Variants in ZNF618 observed in about 807,000 individuals in gnomAD.
The protein encoded by ZNF618 is neural precursor cell expressed, developmentally down-regulated 10.
Under a neutral mutation model 103.0 loss-of-function variants are expected in ZNF618, and 34 were observed. That is an observed-to-expected ratio of 0.33 (90% CI 0.25 to 0.44). ZNF618 has a LOEUF of 0.44. Among genes scored for constraint, ZNF618 ranks in the 20% least tolerant of loss-of-function variants. ZNF618 has a pLI of 1.00. For missense variants in ZNF618, 1,059 were observed against 1,295.4 expected (o/e 0.82, Z 2.80); for synonymous variants, 551 against 542.2 (o/e 1.02, Z -0.23).
At position 113,943,027 on chromosome 9, in the gene ZNF618, G is replaced by T. The variant is rs547622529; in HGVS notation, c.34-26090G>T. On this transcript the variant is annotated intron_variant, in intron 1 of 14. Coordinates refer to ENST00000374126, the MANE Select transcript of ZNF618 (RefSeq NM_001318042.2). The stretch of plus-strand genomic sequence containing the variant: ...TTCATCAAGTTGAGGATTGTCCCAG[G>T]TGCATCTGGAAACATCACCAGGAAG... 2.1e-3 allele frequency among the ~76,000 whole-genome samples: 321 copies of T among 152,290 alleles called. 2 individuals carry two copies. Among genetic ancestry groups the T allele is most frequent in the Middle Eastern group, 3.4e-3 (1 of 294 alleles).
Position 114,002,639 on chromosome 9 carries a change from CAG to C in ZNF618, c.528_529del (p.Glu178GlyfsTer13). 1 of 1,611,488 alleles carries C rather than the reference CAG, an allele frequency of 6.2e-7. No individual in the cohort carries two copies. Among genetic ancestry groups the C allele is most frequent in the Non-Finnish European group, 8.5e-7 (1 of 1,179,728 alleles). On this transcript the variant is annotated frameshift_variant, in exon 6 of 15. Transcript: ENST00000374126. LOFTEE classifies it high-confidence loss of function. ...CTCTTTGCAGACACCGAAGCCACCT[CAG>C]GGGAGGGAGCCTCCCAAAGCAGTGA...
intron 9 of ZNF618, among the ~76,000 whole-genome samples, chr9:114,012,727 G>A (rs1047358274): frequency 6.6e-6 from 1 of 152,036 alleles, no homozygotes; most frequent in African/African-American, 2.4e-5. Context: ...AATTAGTGAT[G>A]TGAAGGATGA....
At chr9:113,934,043 GAA>G (rs1833835233) in intron 1 of ZNF618, among the ~76,000 whole-genome samples, 1 of 152,082 alleles carries the variant, frequency 6.6e-6, no homozygotes, top group African/African-American at 2.4e-5. Context: ...ACAGGGGAGA[GAA>G]AGGGGACTGA....
At chr9:113,990,553 G>C (rs939536256) in intron 3 of ZNF618, among the ~76,000 whole-genome samples, 4 of 152,168 alleles carry the variant, frequency 2.6e-5, no homozygotes, top group Non-Finnish European at 4.4e-5. Context: ...GTCCATTGTG[G>C]GTCAAGAGGG....
rs139706215 is a variant in ZNF618, at chr9:114,020,950, G to C, written c.844+4166G>C. Reference sequence around the variant, plus strand: ...TTTTTATAGATGCCCATTATCAGTTGAATAAGTTACCTCTTATTTATAGTT... The same window carrying C: ...TTTTTATAGATGCCCATTATCAGTTCAATAAGTTACCTCTTATTTATAGTT... On this transcript the variant is annotated intron_variant, in intron 10 of 14. Transcript: ENST00000374126. 8.1e-4 allele frequency among the ~76,000 whole-genome samples: 122 copies of C among 151,548 alleles called. 1 individual carries two copies. The highest frequency in any genetic ancestry group is 2.8e-3 in the African/African-American group (117 of 41,464).
intron 1 of ZNF618, among the ~76,000 whole-genome samples, chr9:113,922,079 T>C (rs887396855): frequency 6.6e-6 from 1 of 152,234 alleles, no homozygotes; most frequent in African/African-American, 2.4e-5. Context: ...AAAACACATA[T>C]GACATGTACA....
intron 1 of ZNF618, among the ~76,000 whole-genome samples, chr9:113,880,891 A>G (rs189431026): frequency 6.6e-6 from 1 of 152,272 alleles, no homozygotes; most frequent in East Asian, 1.9e-4. Flanking sequence ...TTATTTTTGC[A>G]TTTATTATCT....
chr9:113,945,380 A>G (rs1204471297), intron 1 of ZNF618, among the ~76,000 whole-genome samples: 1 of 152,184 alleles, frequency 6.6e-6, no homozygotes, highest in Admixed American at 6.5e-5. Flanking sequence ...CCTTCTCCGC[A>G]TGTACACAAT....
chr9:113,882,447 G>A (rs972619889), intron 1 of ZNF618, among the ~76,000 whole-genome samples: 3 of 152,202 alleles, frequency 2.0e-5, no homozygotes, highest in Non-Finnish European at 4.4e-5. Context: ...GTAGGTGGTC[G>A]ACGCATGTGA....
intron 1 of ZNF618, among the ~76,000 whole-genome samples, chr9:113,883,738 C>T (rs1195901224): frequency 1.3e-5 from 2 of 152,232 alleles, no homozygotes; most frequent in East Asian, 1.9e-4. Flanking sequence ...AGGTAGACAT[C>T]GATCCTCAGT....
intron 14 of ZNF618, 131 bp from the exon 15 acceptor site, chr9:114,048,520 C>A (rs1564347698): frequency 2.1e-6 from 2 of 950,188 alleles, no homozygotes. Flanking sequence ...CAGCCAGCAC[C>A]ACCCATGTGT....
intron 3 of ZNF618, among the ~76,000 whole-genome samples, chr9:113,988,893 C>A (rs985405408): frequency 6.6e-6 from 1 of 152,210 alleles, no homozygotes; most frequent in African/African-American, 2.4e-5. Flanking sequence ...CTCCCATACC[C>A]CTGGGGGGTC....
intron 6 of ZNF618, among the ~76,000 whole-genome samples, chr9:114,004,203 A>C (rs1046140243): frequency 1.3e-5 from 2 of 152,076 alleles, no homozygotes; most frequent in Non-Finnish European, 2.9e-5. Context: ...CTCCGTTTGG[A>C]TTCTTATGCC....
At chr9:113,973,630 A>G (rs970148894) in intron 2 of ZNF618, among the ~76,000 whole-genome samples, 6 of 152,358 alleles carry the variant, frequency 3.9e-5, no homozygotes, top group African/African-American at 1.4e-4. Flanking sequence ...ATCATGTAGC[A>G]TAACTCCAGC....
intron 10 of ZNF618, among the ~76,000 whole-genome samples, chr9:114,023,222 T>C (rs1384975059): frequency 6.6e-6 from 1 of 152,054 alleles, no homozygotes. Flanking sequence ...TTTTCGTGCC[T>C]TCTTTAGTAT....
intron 1 of ZNF618, among the ~76,000 whole-genome samples, chr9:113,897,569 C>G (rs1830136924): frequency 6.6e-6 from 1 of 152,058 alleles, no homozygotes; most frequent in Non-Finnish European, 1.5e-5. Context: ...TCCATATGTC[C>G]CATTGGTCTC....
chr9:113,959,999 A>C (rs190402293), intron 1 of ZNF618, among the ~76,000 whole-genome samples: 2 of 152,374 alleles, frequency 1.3e-5, no homozygotes, highest in Admixed American at 1.3e-4. Flanking sequence ...AGGTCTGTGC[A>C]TGAAGGAAAC....
chr9:113,921,274 T>C (rs1448767253), intron 1 of ZNF618, among the ~76,000 whole-genome samples: 1 of 152,230 alleles, frequency 6.6e-6, no homozygotes, highest in East Asian at 1.9e-4. Flanking sequence ...GCCAGTGTTA[T>C]GCACCTAGAT....
rs367991659 is a variant in ZNF618, at chr9:114,049,863, G to A, written c.2561G>A (p.Arg854His). The A allele has an allele frequency of 1.7e-5, 28 of 1,613,822 alleles. No homozygotes were observed. Among genetic ancestry groups the A allele is most frequent in the African/African-American group, 4.0e-5 (3 of 74,942 alleles). The change falls in exon 15 of 15, where the codon CGC (arginine) becomes CAC (histidine). Residue 854 changes from arginine to histidine, a missense_variant. Around this residue, in one of 6 missense-constraint regions of ZNF618, gnomAD observed 156 missense variants for 197.1 expected, o/e 0.79. Transcript: ENST00000374126. ...TTCGAGCCCGCTGCCAAGAAGCCCCGCTCTGCTGCCGTCGAGAACCCCGCA... is the reference window on the plus strand; with the variant it reads ...TTCGAGCCCGCTGCCAAGAAGCCCCACTCTGCTGCCGTCGAGAACCCCGCA... ...ADFEPAAKKP[R>H]SAAVENPAAQ...
Sources: gnomAD v4.1 joint callset for allele counts (sites outside exome capture counted in the v4.1 genomes callset) on GRCh38, gnomAD v4.1.1 for gene constraint, gnomAD v4.1.1 regional missense constraint, MANE v1.5 for transcripts, NCBI Gene and HGNC (gene_info 2026-07-23, HGNC 2026-07-21) for gene names.